Variants in CRYBG1 observed in about 807,000 individuals in gnomAD.
CRYBG1 encodes beta/gamma crystallin domain-containing protein 1.
Under a neutral mutation model 189.2 loss-of-function variants are expected in CRYBG1, and 139 were observed. The ratio of observed to expected loss-of-function variants is 0.73; its 90% CI spans 0.64 to 0.85. The LOEUF (loss-of-function observed/expected upper bound fraction) is 0.85, where lower values mean the gene tolerates loss of function less well. CRYBG1 is among the 40% of genes least tolerant of loss of function. The pLI is 0.00. For synonymous variants in CRYBG1, 1,023 were observed against 1,017.1 expected, an observed-to-expected ratio of 1.01 and a Z score of -0.11; for missense variants, 2,611 against 2,675.8, an observed-to-expected ratio of 0.98 and a Z score of 0.53.
intron 1 of CRYBG1, among the ~76,000 whole-genome samples, chr6:106,372,657 G>A (rs539749462): frequency 2.0e-5 from 3 of 152,130 alleles, no homozygotes; most frequent in East Asian, 3.9e-4. Flanking sequence ...TGTGGCATGC[G>A]GGAATGAAGG....
In CRYBG1 at chr6:106,511,671, C is replaced by T. The variant is rs751639948; in HGVS notation, c.554C>T (p.Ser185Phe). ...CAAACGGACACAAGCGAGGAGGGCT[C>T]CCCGCGGGAGAATCCCCGAGAGGCA... ...LKQTDTSEEG[S>F]PRENPREAEG... Residue 185 changes from serine to phenylalanine, a missense_variant, in exon 3 of 22, where the codon TCC becomes TTC. Around this residue, in one of 3 missense-constraint regions of CRYBG1, gnomAD observed 985 missense variants for 924.4 expected, o/e 1.07. Transcript: ENST00000633556. 3.1e-5 allele frequency: 47 copies of T among 1,535,554 alleles called. No individual in the cohort carries two copies. The South Asian group carries it at 4.6e-4, about 15-fold the overall frequency.
At position 106,512,915 on chromosome 6, in the gene CRYBG1, G is replaced by A. The variant is rs1196391559; in HGVS notation, c.1798G>A (p.Glu600Lys). ...CCCCAACCACTTCAACGGCCGGGCA[G>A]AGGGAGGTCGAAGCAGAGAGCTGGG... ...PLPNHFNGRA[E>K]GGRSRELGRA... is the part of the protein sequence containing the mutation. Residue 600 changes from glutamate to lysine, a missense_variant, in exon 3 of 22, where the codon GAG (glutamate) becomes AAG (lysine). By Grantham distance (56) the Glu-to-Lys change is moderately conservative. This residue lies in a region of CRYBG1 where 985 missense variants were observed against 924.4 expected (regional missense o/e 1.07). Transcript: ENST00000633556. 1 of 1,607,040 alleles carries A rather than the reference G, an allele frequency of 6.2e-7. No individual in the cohort carries two copies. The highest frequency in any genetic ancestry group is 1.7e-5 in the Admixed American group (1 of 59,242).
chr6:106,553,433 G>A, intron 15 of CRYBG1, 22 bp from the exon 16 acceptor site: 1 of 1,501,478 alleles, frequency 6.7e-7, no homozygotes, highest in Middle Eastern at 1.7e-4. Context: ...AATTTTATGT[G>A]TTTCTGTTTA....
intron 13 of CRYBG1, among the ~76,000 whole-genome samples, chr6:106,551,100 G>A (rs1172577061): frequency 6.6e-6 from 1 of 152,066 alleles, no homozygotes; most frequent in Non-Finnish European, 1.5e-5. Flanking sequence ...CCTGAGCATA[G>A]CATGCAACAG....
At chr6:106,385,403 C>G (rs1218779753) in intron 1 of CRYBG1, among the ~76,000 whole-genome samples, 1 of 152,222 alleles carries the variant, frequency 6.6e-6, no homozygotes, top group African/African-American at 2.4e-5. Context: ...TGCATAGCCT[C>G]ACATTCAGAA....
intron 1 of CRYBG1, among the ~76,000 whole-genome samples, chr6:106,381,724 A>G (rs1227152260): frequency 6.6e-6 from 1 of 152,152 alleles, no homozygotes; most frequent in African/African-American, 2.4e-5. Context: ...TTAAAACACC[A>G]AGTTCTGCCA....
intron 1 of CRYBG1, among the ~76,000 whole-genome samples, chr6:106,410,228 T>C (rs1770901679): frequency 6.6e-6 from 1 of 152,156 alleles, no homozygotes; most frequent in Non-Finnish European, 1.5e-5. Context: ...CAGACACTTC[T>C]CAAAATAAGA....
chr6:106,505,032 C>T (rs943920163), intron 2 of CRYBG1, among the ~76,000 whole-genome samples: 1 of 151,532 alleles, frequency 6.6e-6, no homozygotes, highest in African/African-American at 2.4e-5. Flanking sequence ...CTACTGCAAC[C>T]TCTACCTCCT....
rs564776264 is a variant in CRYBG1 at position 106,559,037 on chromosome 6, T to A, written c.5855+412T>A. Among the ~76,000 whole-genome samples the A allele has an allele frequency of 2.6e-5, 4 of 152,322 alleles. No individual in the cohort carries two copies. The South Asian group carries it at 8.3e-4, about 32-fold the overall frequency. On this transcript the variant is annotated intron_variant, in intron 18 of 21. Transcript: ENST00000633556. ...TAAACTAATTGACATATACCCTCTC[T>A]TTTTGTAAGGGTTAATAATTATGCA...
intron 1 of CRYBG1, among the ~76,000 whole-genome samples, chr6:106,448,218 G>C (rs763945774): frequency 2.6e-5 from 4 of 152,212 alleles, no homozygotes; most frequent in Non-Finnish European, 5.9e-5. Context: ...TCCATGGCCA[G>C]GTGCACAGCA....
In CRYBG1 at chr6:106,423,694, C is replaced by CTTTTTTTTTTT. The variant is rs1350862841; in HGVS notation, c.174-28000_174-27999insTTTTTTTTTTT. ...CCCTCCAGTCCTCAGTTCTCCCTCC[C>CTTTTTTTTTTT]CTTTTTTTTTTTTTTTTTTTTTTTT... On this transcript the variant is annotated intron_variant, in intron 1 of 21. Transcript: ENST00000633556. Among the ~76,000 whole-genome samples the CTTTTTTTTTTT allele has an allele frequency of 6.9e-5, 7 of 101,246 alleles. 3 individuals carry two copies. Among genetic ancestry groups the CTTTTTTTTTTT allele is most frequent in the African/African-American group, 8.5e-5 (2 of 23,608 alleles). The allele number at this position is 101,246 out of a possible 152,430, so 66.4% of individuals were successfully genotyped here.
At chr6:106,415,059 T>G (rs1344138327) in intron 1 of CRYBG1, among the ~76,000 whole-genome samples, 1 of 152,078 alleles carries the variant, frequency 6.6e-6, no homozygotes, top group African/African-American at 2.4e-5. Flanking sequence ...AGATGGGAGC[T>G]CTGATTTTAC....
intron 1 of CRYBG1, among the ~76,000 whole-genome samples, chr6:106,373,010 C>CTGTG (rs752211603): frequency 2.6e-5 from 4 of 151,796 alleles, no homozygotes; most frequent in Non-Finnish European, 5.9e-5. Context: ...TTGGTAGAGG[C>CTGTG]TGTGTGTGTG....
At chr6:106,505,390 G>T (rs910987878) in intron 2 of CRYBG1, among the ~76,000 whole-genome samples, 8 of 151,930 alleles carry the variant, frequency 5.3e-5, no homozygotes, top group African/African-American at 1.9e-4. Context: ...CACCGCACCC[G>T]GCCCAATTTT....
chr6:106,484,569 C>G (rs1290699828), intron 2 of CRYBG1, among the ~76,000 whole-genome samples: 1 of 152,222 alleles, frequency 6.6e-6, no homozygotes, highest in African/African-American at 2.4e-5. Context: ...ATCTTCCTGC[C>G]TTAGCCTCCC....
At position 106,444,218 on chromosome 6, in the gene CRYBG1, T is replaced by C. The variant is rs78995529; in HGVS notation, c.174-7476T>C. Reference sequence around the variant, plus strand: ...CTTCTCTGCCATTAGATGATAAGAATTTGAATTGCCTTAAAAGGAAAATTC... The same window carrying C: ...CTTCTCTGCCATTAGATGATAAGAACTTGAATTGCCTTAAAAGGAAAATTC... On this transcript the variant is annotated intron_variant, in intron 1 of 21. Transcript: ENST00000633556. Among the ~76,000 whole-genome samples, 28 of 152,352 alleles carry C rather than the reference T, an allele frequency of 1.8e-4. No homozygotes were observed. The East Asian group carries it at 5.4e-3, about 29-fold the overall frequency.
Position 106,512,263 on chromosome 6 carries a change from G to C in CRYBG1, c.1146G>C (p.Leu382Phe). ...PAKVLTLDIY[L>F]SKTEGAQVDE... ...AGGTGCTAACTTTGGACATCTACTT[G>C]AGTAAGACTGAGGGGGCACAAGTGG... Residue 382 changes from leucine (L) to phenylalanine (F), a missense_variant, in exon 3 of 22, where the codon TTG becomes TTC. Physicochemically the swap from Leu to Phe is conservative, Grantham distance 22. Transcript: ENST00000633556. 1.3e-6 allele frequency: 2 copies of C among 1,558,910 alleles called. No individual in the cohort carries two copies. The highest frequency in any genetic ancestry group is 1.7e-6 in the Non-Finnish European group (2 of 1,155,802).
At chr6:106,508,312 T>A (rs1582803942) in intron 2 of CRYBG1, among the ~76,000 whole-genome samples, 1 of 151,284 alleles carries the variant, frequency 6.6e-6, no homozygotes, top group Non-Finnish European at 1.5e-5. Context: ...GGGGGAAAAC[T>A]CTGTTTTAAA....
chr6:106,361,159 T>A (rs1034039640), intron 1 of CRYBG1, 78 bp downstream of exon 1: 4 of 1,436,860 alleles, frequency 2.8e-6, no homozygotes, highest in Non-Finnish European at 3.7e-6. Context: ...CTTGGACTCC[T>A]GACCCCACTT....
Sources: allele counts gnomAD v4.1 joint callset (sites outside exome capture counted in the v4.1 genomes callset), GRCh38; gene constraint gnomAD v4.1.1; regional missense constraint gnomAD v4.1.1; transcripts MANE v1.5; gene names NCBI Gene and HGNC (gene_info 2026-07-23, HGNC 2026-07-21).